PTCHD1: variants seen among roughly 807,000 people sequenced by gnomAD.
PTCHD1 encodes patched domain-containing protein 1.
Under a neutral mutation model 34.6 loss-of-function variants are expected in PTCHD1, and 3 were observed. That is an observed-to-expected ratio of 0.09 (90% CI 0.04 to 0.22). PTCHD1 has a LOEUF of 0.22. Ranked by LOEUF, PTCHD1 falls within the 10% of genes least tolerant of loss-of-function variation. The probability of loss-of-function intolerance (pLI) is 1.00; values close to 1 mark genes in which losing one functional copy is unlikely to be tolerated. For synonymous variants in PTCHD1, 305 were observed against 283.1 expected, an observed-to-expected ratio of 1.08 and a Z score of -0.77; for missense variants, 504 against 685.5, an observed-to-expected ratio of 0.74 and a Z score of 2.96.
At chrX:23,343,852 G>T (rs1171308760) in intron 1 of PTCHD1, among the ~76,000 whole-genome samples, 1 of 112,233 alleles carries the variant, frequency 8.9e-6, no homozygotes, top group African/African-American at 3.2e-5. Flanking sequence ...ATGCATCTCT[G>T]CTATAGAGCT....
chrX:23,381,021 C>A (rs1922550917), intron 2 of PTCHD1, among the ~76,000 whole-genome samples: 1 of 112,173 alleles, frequency 8.9e-6, no homozygotes, highest in Non-Finnish European at 1.9e-5. Context: ...CTGCTACTCT[C>A]AGTTTCCCCA....
intron 1 of PTCHD1, among the ~76,000 whole-genome samples, chrX:23,350,060 T>TAAAAAAAAAAAAA (rs57194123): frequency 4.9e-5 from 2 of 40,414 alleles, no homozygotes; most frequent in Admixed American, 3.8e-4. Context: ...TTAGTGCTGT[T>TAAAAAAAAAAAAA]AAAAAAAAAA....
Position 23,404,285 on chromosome X carries a change from A to T in PTCHD1, c.*10100A>T, listed in dbSNP as rs2146661638. ...TTTTTTATTCATTTATTTTTAATTGACATAAAAATTGTATATATTTATGGG... is the reference window on the plus strand; with the variant it reads ...TTTTTTATTCATTTATTTTTAATTGTCATAAAAATTGTATATATTTATGGG... On this transcript the variant is annotated 3_prime_UTR_variant, in exon 3 of 3. Transcript: ENST00000379361. The T allele has an allele frequency of 8.9e-6, 1 of 112,190 alleles. No individual in the cohort carries two copies. The highest frequency in any genetic ancestry group is 9.4e-5 in the Admixed American group (1 of 10,610). 9.2% of individuals were successfully genotyped at this position (112,190 alleles called of 1,213,427 possible).
intron 1 of PTCHD1, among the ~76,000 whole-genome samples, chrX:23,372,110 T>C (rs1016075649): frequency 5.5e-5 from 6 of 109,922 alleles, no homozygotes; most frequent in African/African-American, 2.0e-4. Context: ...ATGATGATAA[T>C]GTCATGTCAT....
chrX:23,360,134 A>G (rs569427438), intron 1 of PTCHD1, among the ~76,000 whole-genome samples: 4 of 111,553 alleles, frequency 3.6e-5, no homozygotes, highest in African/African-American at 1.3e-4. Flanking sequence ...CTCTGCCAGG[A>G]TTTGGTATCA....
intron 2 of PTCHD1, among the ~76,000 whole-genome samples, chrX:23,389,076 C>T (rs1922758661): frequency 8.9e-6 from 1 of 112,052 alleles, no homozygotes; most frequent in Non-Finnish European, 1.9e-5. Flanking sequence ...TTCCCATGTC[C>T]ATTCTCTGTC....
Position 23,397,401 on chromosome X carries a change from G to A in PTCHD1, c.*3216G>A, listed in dbSNP as rs1375845216. ...ATCAGGGCTCCTCAGGTTAAAAGAA[G>A]TACAGTTTGTTTCAGAGAAAAAGGA... On this transcript the variant is annotated 3_prime_UTR_variant, in exon 3 of 3. Coordinates refer to ENST00000379361, the MANE Select transcript of PTCHD1 (RefSeq NM_173495.3). 1 of 112,270 alleles carries A rather than the reference G, an allele frequency of 8.9e-6. No individual in the cohort carries two copies. Among genetic ancestry groups the A allele is most frequent in the Non-Finnish European group, 1.9e-5 (1 of 53,297 alleles). The allele number at this position is 112,270 out of a possible 1,213,427, so 9.3% of individuals were successfully genotyped here.
At chrX:23,379,358 A>G (rs908867020) in intron 1 of PTCHD1, among the ~76,000 whole-genome samples, 2 of 111,965 alleles carry the variant, frequency 1.8e-5, no homozygotes, top group South Asian at 7.6e-4. Context: ...GATGGTGCCT[A>G]AGAATTTTCA....
At chrX:23,359,710 C>A (rs929615101) in intron 1 of PTCHD1, among the ~76,000 whole-genome samples, 9 of 112,021 alleles carry the variant, frequency 8.0e-5, no homozygotes, top group Non-Finnish European at 1.5e-4. Flanking sequence ...TGAGAGAGGG[C>A]ATCCCTGTCT....
intron 2 of PTCHD1, among the ~76,000 whole-genome samples, chrX:23,387,996 T>A (rs1047511954): frequency 1.8e-5 from 2 of 111,433 alleles, no homozygotes; most frequent in African/African-American, 6.5e-5. Context: ...GGATGTTGTA[T>A]CATCCAGGGT....
intron 1 of PTCHD1, among the ~76,000 whole-genome samples, chrX:23,352,804 A>G (rs957311232): frequency 5.3e-5 from 6 of 112,338 alleles, no homozygotes; most frequent in African/African-American, 1.9e-4. Context: ...CAGCGTCAGT[A>G]GCACTGGCAA....
At chrX:23,368,283 G>T (rs761522176) in intron 1 of PTCHD1, among the ~76,000 whole-genome samples, 1 of 111,713 alleles carries the variant, frequency 9.0e-6, no homozygotes, top group East Asian at 2.8e-4. Flanking sequence ...TTAGATTATA[G>T]TTTAACCATA....
At chrX:23,376,102 C>A (rs1331934533) in intron 1 of PTCHD1, among the ~76,000 whole-genome samples, 1 of 111,886 alleles carries the variant, frequency 8.9e-6, no homozygotes, top group East Asian at 2.8e-4. Flanking sequence ...AGATTTTTTC[C>A]ACGCGCGAGT....
rs781016764 is a variant in PTCHD1, at chrX:23,392,606, G to T, written c.1088G>T (p.Arg363Ile). The change falls in exon 3 of 3, where the codon AGA becomes ATA. Residue 363 changes from arginine to isoleucine, a missense_variant. Arg to Ile is a moderately conservative substitution (Grantham distance 97, BLOSUM62 -3). Transcript: ENST00000379361. The stretch of plus-strand genomic sequence containing the variant: ...AGAGAAGACCAACATGTTAAAGAGA[G>T]AACTGCAGCAGTCTATGCAGACTCC... Reference protein sequence around the residue: ...KTREDQHVKERTAAVYADSML... With the variant: ...KTREDQHVKEITAAVYADSML... 1.7e-6 allele frequency: 2 copies of T among 1,208,557 alleles called. No individual in the cohort carries two copies. Among genetic ancestry groups the T allele is most frequent in the South Asian group, 1.8e-5 (1 of 56,896 alleles).
At chrX:23,387,708 A>G (rs1416229345) in intron 2 of PTCHD1, among the ~76,000 whole-genome samples, 4 of 111,352 alleles carry the variant, frequency 3.6e-5, no homozygotes, top group African/African-American at 1.3e-4. Context: ...AATAATTAGA[A>G]CTTGGCGCTC....
chrX:23,366,393 G>A (rs776924680), intron 1 of PTCHD1, among the ~76,000 whole-genome samples: 78 of 112,213 alleles, frequency 7.0e-4, no homozygotes, highest in Non-Finnish European at 1.3e-3. Flanking sequence ...AAGGCCTTGT[G>A]TGATTGGGAC....
At chrX:23,362,400 A>T (rs957034509) in intron 1 of PTCHD1, among the ~76,000 whole-genome samples, 1 of 111,611 alleles carries the variant, frequency 9.0e-6, no homozygotes, top group African/African-American at 3.3e-5. Context: ...CATTAATTTG[A>T]TCTTCAATCA....
chrX:23,374,144 T>C (rs1189319614), intron 1 of PTCHD1, among the ~76,000 whole-genome samples: 2 of 109,674 alleles, frequency 1.8e-5, no homozygotes, highest in Non-Finnish European at 3.8e-5. Context: ...GGGGAACCCA[T>C]ACGAACTCCG....
chrX:23,393,390 A>G lies in PTCHD1; in HGVS notation c.1872A>G (p.Ser624=). 4 of 1,210,892 alleles carry G rather than the reference A, an allele frequency of 3.3e-6. No individual in the cohort carries two copies. The highest frequency in any genetic ancestry group is 4.5e-6 in the Non-Finnish European group (4 of 894,652). Residue 624 remains serine (S), a synonymous_variant, in exon 3 of 3, where the codon TCA becomes TCG. Transcript: ENST00000379361. ...RNSFLKAPQF[S]HFQEDIIFSK... is the part of the protein sequence containing the mutation. Reference sequence around the variant, plus strand: ...CCTTTCTGAAAGCCCCTCAATTTTCACATTTTCAAGAGGACATCATCTTCT... The same window carrying G: ...CCTTTCTGAAAGCCCCTCAATTTTCGCATTTTCAAGAGGACATCATCTTCT...
Sources: gnomAD v4.1 joint callset for allele counts (sites outside exome capture counted in the v4.1 genomes callset) on GRCh38, gnomAD v4.1.1 for gene constraint, MANE v1.5 for transcripts, NCBI Gene and HGNC (gene_info 2026-07-23, HGNC 2026-07-21) for gene names.